ARHGAP42: variants seen among roughly 807,000 people sequenced by gnomAD.
ARHGAP42 encodes rho GTPase-activating protein 42.
Under a neutral mutation model 125.0 loss-of-function variants are expected in ARHGAP42, and 63 were observed. The observed-to-expected ratio is 0.50, with a 90% CI of 0.41 to 0.62. The LOEUF (loss-of-function observed/expected upper bound fraction) is 0.62, where lower values mean the gene tolerates loss of function less well. Among genes scored for constraint, ARHGAP42 ranks in the 20% least tolerant of loss-of-function variants. The probability of loss-of-function intolerance (pLI) is 0.00; values close to 1 mark genes in which losing one functional copy is unlikely to be tolerated. For synonymous variants in ARHGAP42, 339 were observed against 351.0 expected, an observed-to-expected ratio of 0.97 and a Z score of 0.38; for missense variants, 766 against 1,024.2, an observed-to-expected ratio of 0.75 and a Z score of 3.44.
intron 1 of ARHGAP42, among the ~76,000 whole-genome samples, chr11:100,733,265 G>A (rs1236433174): frequency 2.0e-5 from 3 of 152,188 alleles, no homozygotes; most frequent in Admixed American, 6.5e-5. Flanking sequence ...TCATGGGATT[G>A]TCATGAGGAT....
At chr11:100,811,539 C>G (rs1431897301) in intron 3 of ARHGAP42, among the ~76,000 whole-genome samples, 1 of 146,074 alleles carries the variant, frequency 6.8e-6, no homozygotes, top group Non-Finnish European at 1.5e-5. Context: ...GAGTCTTGCT[C>G]TGTTACCCAG....
chr11:100,960,416 A>G (rs1420775737), intron 13 of ARHGAP42, among the ~76,000 whole-genome samples: 1 of 152,126 alleles, frequency 6.6e-6, no homozygotes, highest in Non-Finnish European at 1.5e-5. Context: ...CTTCTAGGAA[A>G]ATTTGGCTAA....
chr11:100,954,290 A>G (rs879735495), intron 12 of ARHGAP42, among the ~76,000 whole-genome samples: 1 of 151,868 alleles, frequency 6.6e-6, no homozygotes, highest in Admixed American at 6.6e-5. Context: ...TTGTGCACCT[A>G]CTCTACTCCA....
At chr11:100,962,346 T>C in intron 15 of ARHGAP42, 63 bp from the exon 16 acceptor site, 7 of 1,314,304 alleles carry the variant, frequency 5.3e-6, no homozygotes, top group Non-Finnish European at 7.4e-6. Flanking sequence ...AAGAAACACT[T>C]AACGTTTAGG....
At chr11:100,962,492 C>G in intron 16 of ARHGAP42, 25 bp downstream of exon 16, 1 of 1,509,986 alleles carries the variant, frequency 6.6e-7, no homozygotes, top group Non-Finnish European at 9.0e-7. Context: ...ATCATATACA[C>G]ATTATAATTG....
At chr11:100,756,077 A>G (rs1396676571) in intron 1 of ARHGAP42, among the ~76,000 whole-genome samples, 2 of 152,042 alleles carry the variant, frequency 1.3e-5, no homozygotes, top group Non-Finnish European at 2.9e-5. Context: ...CTAAAATTGG[A>G]TAGAGGTCTT....
chr11:100,933,010 G>A (rs940592599), intron 6 of ARHGAP42, 146 bp from the exon 7 acceptor site: 23 of 568,934 alleles, frequency 4.0e-5, no homozygotes, highest in Non-Finnish European at 5.1e-5. Flanking sequence ...TTTTATAATC[G>A]TAAATCTATT....
rs796992077 is a variant in ARHGAP42 at position 100,778,177 on chromosome 11, GA to G, written c.250+7751del. Reference sequence around the variant, plus strand: ...AACATGTTGAGACCCTGTCTCTTAAGAAAAAAAAAAAAGAAACGGTGAAGTT... The same window carrying G: ...AACATGTTGAGACCCTGTCTCTTAAGAAAAAAAAAAAGAAACGGTGAAGTT... On this transcript the variant is annotated intron_variant, in intron 2 of 23. Transcript: ENST00000298815. Among the ~76,000 whole-genome samples, 307 of 138,330 alleles carry G rather than the reference GA, an allele frequency of 2.2e-3. 1 individual carries two copies. Among genetic ancestry groups the G allele is most frequent in the African/African-American group, 5.6e-3 (212 of 37,820 alleles). 90.7% of individuals were successfully genotyped at this position (138,330 alleles called of 152,430 possible). A position where few individuals can be genotyped will look rare whatever the true frequency, so the allele number is the denominator to read the frequency against.
At chr11:100,955,876 T>C (rs1857791565) in intron 12 of ARHGAP42, among the ~76,000 whole-genome samples, 2 of 152,154 alleles carry the variant, frequency 1.3e-5, no homozygotes, top group African/African-American at 4.8e-5. Flanking sequence ...TGAGCACTGA[T>C]GCATTAAGTA....
intron 22 of ARHGAP42, among the ~76,000 whole-genome samples, chr11:100,982,502 T>C (rs79701817): frequency 0.039 from 5,909 of 152,280 alleles, 163 homozygotes; most frequent in East Asian, 0.11. Context: ...CAGACATTGG[T>C]TATTTACAAT....
intron 2 of ARHGAP42, among the ~76,000 whole-genome samples, chr11:100,779,744 G>A (rs1371651007): frequency 6.6e-6 from 1 of 151,378 alleles, no homozygotes; most frequent in Non-Finnish European, 1.5e-5. Context: ...ACAAGTTTTT[G>A]GCTGGGTGCG....
intron 4 of ARHGAP42, among the ~76,000 whole-genome samples, chr11:100,886,071 A>AT (rs1475900759): frequency 6.6e-6 from 1 of 152,146 alleles, no homozygotes; most frequent in African/African-American, 2.4e-5. Context: ...TATGGTCTAC[A>AT]TTTTTTATTT....
At position 100,989,373 on chromosome 11, in the gene ARHGAP42, A is replaced by T. The variant is rs76763415; in HGVS notation, c.*572A>T. 0.019 allele frequency: 6,936 copies of T among 361,278 alleles called. 97 individuals carry two copies. Among genetic ancestry groups the T allele is most frequent in the South Asian group, 0.026 (177 of 6,718 alleles). The allele number at this position is 361,278 out of a possible 1,614,324, so 22.4% of individuals were successfully genotyped here. A position where few individuals can be genotyped will look rare whatever the true frequency, so the allele number is the denominator to read the frequency against. On this transcript the variant is annotated 3_prime_UTR_variant, in exon 24 of 24. Coordinates refer to ENST00000298815, the MANE Select transcript of ARHGAP42 (RefSeq NM_152432.4). ...AAGTAGATGATAATATTCAAAAGCA[A>T]TAATGTATATGATATCTATAAAGGA...
chr11:100,843,873 C>T (rs1437399719), intron 3 of ARHGAP42, among the ~76,000 whole-genome samples: 2 of 152,070 alleles, frequency 1.3e-5, no homozygotes, highest in African/African-American at 2.4e-5. Flanking sequence ...ACCATACTGC[C>T]AAAAGCAATC....
At chr11:100,859,475 T>A (rs1340741476) in intron 3 of ARHGAP42, 79 bp from the exon 4 acceptor site, 2 of 1,210,952 alleles carry the variant, frequency 1.7e-6, no homozygotes, top group Non-Finnish European at 2.3e-6. Context: ...ATTTGATACA[T>A]TGGATAAAGT....
chr11:100,809,094 T>C (rs1864077066), intron 3 of ARHGAP42, among the ~76,000 whole-genome samples: 1 of 152,148 alleles, frequency 6.6e-6, no homozygotes, highest in Non-Finnish European at 1.5e-5. Flanking sequence ...CTAAGGCCTC[T>C]AAGAGGTTTT....
intron 4 of ARHGAP42, among the ~76,000 whole-genome samples, chr11:100,907,269 G>A (rs189433703): frequency 3.9e-5 from 6 of 152,276 alleles, no homozygotes; most frequent in East Asian, 1.9e-4. Context: ...GTTACACTTC[G>A]GGTTTCCTCT....
chr11:100,760,951 G>C (rs1862688115), intron 1 of ARHGAP42, among the ~76,000 whole-genome samples: 1 of 152,146 alleles, frequency 6.6e-6, no homozygotes, highest in African/African-American at 2.4e-5. Flanking sequence ...CTGTTGATAA[G>C]AGAGTAAGTT....
chr11:100,754,093 C>A (rs1862521413), intron 1 of ARHGAP42, among the ~76,000 whole-genome samples: 1 of 152,140 alleles, frequency 6.6e-6, no homozygotes, highest in African/African-American at 2.4e-5. Context: ...ACTTTAATTC[C>A]CATTAGTGCT....
Sources: gnomAD v4.1 joint callset for allele counts (sites outside exome capture counted in the v4.1 genomes callset) on GRCh38, gnomAD v4.1.1 for gene constraint, MANE v1.5 for transcripts, NCBI Gene and HGNC (gene_info 2026-07-23, HGNC 2026-07-21) for gene names.